Variants in RHOA observed in about 807,000 individuals in gnomAD.
RHOA encodes transforming protein RhoA.
Under a neutral mutation model 17.5 loss-of-function variants are expected in RHOA, and 3 were observed. That is an observed-to-expected ratio of 0.17 (90% confidence interval 0.08 to 0.44). The LOEUF (loss-of-function observed/expected upper bound fraction) is 0.44, where lower values mean the gene tolerates loss of function less well. RHOA is among the 20% of genes least tolerant of loss of function. The pLI, the probability that RHOA is intolerant of heterozygous loss-of-function variation, is 0.99. For missense variants in RHOA, 56 were observed against 242.3 expected, an observed-to-expected ratio of 0.23 and a Z score of 5.10; for synonymous variants, 98 against 88.4, an observed-to-expected ratio of 1.11 and a Z score of -0.61.
Position 49,360,023 on chromosome 3 carries a change from G to C in RHOA, c.*186C>G. On this transcript the variant is annotated 3_prime_UTR_variant, in exon 5 of 5. Transcript: ENST00000418115. ...TTAGAGCAGTGTCAAAAGGACCCTG[G>C]TGGGCCAGACGGGTTGGACATCGTT... 1 of 619,440 alleles carries C rather than the reference G, an allele frequency of 1.6e-6. No homozygotes were observed. Among genetic ancestry groups the C allele is most frequent in the Non-Finnish European group, 2.6e-6 (1 of 378,352 alleles). The allele number at this position is 619,440 out of a possible 1,614,324, so 38.4% of individuals were successfully genotyped here.
At chr3:49,372,570 T>TA (rs1211530226) in intron 2 of RHOA, among the ~76,000 whole-genome samples, 1 of 151,820 alleles carries the variant, frequency 6.6e-6, no homozygotes, top group African/African-American at 2.4e-5. Context: ...CTGTCTCTAC[T>TA]AAAAATACAA....
chr3:49,386,862 C>A (rs1394751925), intron 1 of RHOA, among the ~76,000 whole-genome samples: 2 of 151,938 alleles, frequency 1.3e-5, no homozygotes, highest in Non-Finnish European at 2.9e-5. Flanking sequence ...CCTGTAATCC[C>A]AGCACTTTGG....
At chr3:49,408,299 T>A (rs555836358) in intron 1 of RHOA, among the ~76,000 whole-genome samples, 3 of 149,408 alleles carry the variant, frequency 2.0e-5, no homozygotes, top group South Asian at 2.1e-4. Context: ...TATATATACA[T>A]ATACACACAC....
chr3:49,379,822 A>G (rs2048288435), intron 1 of RHOA, among the ~76,000 whole-genome samples: 1 of 152,166 alleles, frequency 6.6e-6, no homozygotes, highest in South Asian at 2.1e-4. Context: ...AGCCCACAGT[A>G]TATATAATTC....
chr3:49,393,674 C>CTG (rs200446484), intron 1 of RHOA, among the ~76,000 whole-genome samples: 26 of 4,348 alleles, frequency 6.0e-3, no homozygotes, highest in African/African-American at 0.016. Flanking sequence ...CAAATTCTCT[C>CTG]TCTGTGTGTG....
At chr3:49,377,315 G>C (rs904975757) in intron 1 of RHOA, among the ~76,000 whole-genome samples, 2 of 151,792 alleles carry the variant, frequency 1.3e-5, no homozygotes, top group African/African-American at 2.4e-5. Flanking sequence ...GAAAAGGGCC[G>C]GGCGCAGTGG....
chr3:49,383,103 G>A (rs566892354), intron 1 of RHOA, among the ~76,000 whole-genome samples: 12 of 151,650 alleles, frequency 7.9e-5, no homozygotes, highest in South Asian at 2.1e-4. Context: ...CCACCTTTGC[G>A]TAGCACCCTA....
intron 1 of RHOA, among the ~76,000 whole-genome samples, chr3:49,409,894 C>T (rs2048903864): frequency 6.6e-6 from 1 of 152,108 alleles, no homozygotes; most frequent in South Asian, 2.1e-4. Flanking sequence ...CTTAGCCTGA[C>T]CTAAATATCT....
rs182503743 is a variant in RHOA, at chr3:49,370,008, A to C, written c.157-1460T>G. On this transcript the variant is annotated intron_variant, in intron 2 of 4. Transcript: ENST00000418115. ...CTTGAACCCAGGAGGCGGAGGTTGC[A>C]ATGAGTGGAGGTTGCAATGAGCTGA... Among the ~76,000 whole-genome samples, 383 of 152,118 alleles carry C rather than the reference A, an allele frequency of 2.5e-3. 6 individuals carry two copies. The highest frequency in any genetic ancestry group is 8.7e-3 in the African/African-American group (363 of 41,502).
intron 1 of RHOA, among the ~76,000 whole-genome samples, chr3:49,377,090 T>C (rs547369279): frequency 3.9e-5 from 6 of 152,244 alleles, no homozygotes; most frequent in African/African-American, 1.4e-4. Flanking sequence ...ATCATGCCAT[T>C]GCACTCCAGC....
At chr3:49,393,306 T>C (rs2048541434) in intron 1 of RHOA, among the ~76,000 whole-genome samples, 1 of 152,092 alleles carries the variant, frequency 6.6e-6, no homozygotes, top group African/African-American at 2.4e-5. Flanking sequence ...CCCAGTGGCC[T>C]TGTGTCAACT....
chr3:49,401,130 CCTT>C (rs1379453171), intron 1 of RHOA, among the ~76,000 whole-genome samples: 1 of 151,430 alleles, frequency 6.6e-6, no homozygotes, highest in Non-Finnish European at 1.5e-5. Flanking sequence ...GACACTAGGG[CCTT>C]CAAATTTACT....
At chr3:49,364,066 T>TA (rs1398763552) in intron 3 of RHOA, among the ~76,000 whole-genome samples, 1 of 151,356 alleles carries the variant, frequency 6.6e-6, no homozygotes, top group African/African-American at 2.4e-5. Context: ...AACAAATAAA[T>TA]AGGCTGGGCG....
chr3:49,367,224 T>C (rs2048069948), intron 3 of RHOA, among the ~76,000 whole-genome samples: 1 of 151,176 alleles, frequency 6.6e-6, no homozygotes, highest in Non-Finnish European at 1.5e-5. Context: ...CCACCTGTAG[T>C]CCCAGCTACT....
At chr3:49,369,143 C>T (rs2048110529) in intron 2 of RHOA, among the ~76,000 whole-genome samples, 1 of 147,430 alleles carries the variant, frequency 6.8e-6, no homozygotes, top group African/African-American at 2.5e-5. Context: ...CCTGCCTCAG[C>T]CTCCTGAGCA....
chr3:49,408,023 A>G (rs1255123322), intron 1 of RHOA, among the ~76,000 whole-genome samples: 5 of 152,036 alleles, frequency 3.3e-5, no homozygotes, highest in Non-Finnish European at 7.4e-5. Context: ...AGCTGAGCAC[A>G]GTGGCGCATG....
chr3:49,400,917 G>A (rs2048712593), intron 1 of RHOA, among the ~76,000 whole-genome samples: 1 of 150,848 alleles, frequency 6.6e-6, no homozygotes, highest in Non-Finnish European at 1.5e-5. Flanking sequence ...ATAGTGGCGG[G>A]CGCCTGTAGT....
chr3:49,390,555 C>T (rs571429627), intron 1 of RHOA, among the ~76,000 whole-genome samples: 17 of 152,266 alleles, frequency 1.1e-4, no homozygotes, highest in African/African-American at 3.6e-4. Flanking sequence ...TGAGCCACCA[C>T]GCCCAGCCCC....
At chr3:49,398,526 C>T (rs1406806418) in intron 1 of RHOA, among the ~76,000 whole-genome samples, 1 of 151,482 alleles carries the variant, frequency 6.6e-6, no homozygotes, top group Non-Finnish European at 1.5e-5. Context: ...CCAGTGGGGG[C>T]TTAAAGAATT....
Sources: allele counts gnomAD v4.1 joint callset (sites outside exome capture counted in the v4.1 genomes callset), GRCh38; gene constraint gnomAD v4.1.1; transcripts MANE v1.5; gene names NCBI Gene and HGNC (gene_info 2026-07-23, HGNC 2026-07-21).